The following OSMR variants were observed in gnomAD, a reference collection of about 807,000 sequenced individuals.
The protein encoded by OSMR is oncostatin M receptor.
A neutral mutation model predicts 99.9 loss-of-function variants in OSMR; 81 were observed. That is an observed-to-expected ratio of 0.81 (90% CI 0.68 to 0.97). The LOEUF is 0.97. OSMR is among the 50% of genes least tolerant of loss of function. OSMR has a pLI of 0.00. For missense variants in OSMR, 1,099 were observed against 1,153.4 expected, an observed-to-expected ratio of 0.95 and a Z score of 0.68; for synonymous variants, 406 against 410.4, an observed-to-expected ratio of 0.99 and a Z score of 0.13.
Position 38,925,328 on chromosome 5 carries a change from C to A in OSMR, c.2169C>A (p.Gly723=). Residue 723 remains glycine, a synonymous_variant, in exon 15 of 18, where the codon GGC becomes GGA. Transcript: ENST00000274276. ...FITPFTSAGE[G]PSATFTKVTT... is the part of the protein sequence containing the mutation. ...CTCCATTCACTAGTGCTGGTGAAGGCCCCAGTGCTACGTTCACGAAGGTCA... is the reference window on the plus strand; with the variant it reads ...CTCCATTCACTAGTGCTGGTGAAGGACCCAGTGCTACGTTCACGAAGGTCA... The A allele has an allele frequency of 1.9e-6, 3 of 1,614,018 alleles. No individual in the cohort carries two copies. In the African/African-American group the frequency reaches 4.0e-5, roughly 22 times the overall value.
chr5:38,945,179 G>A, downstream of OSMR: 1 of 808,670 alleles, frequency 1.2e-6, no homozygotes, highest in South Asian at 1.9e-5. Flanking sequence ...CTAATTGTAT[G>A]CAATATACCA....
downstream of OSMR, among the ~76,000 whole-genome samples, chr5:38,936,316 T>TAATA (rs535112237): frequency 7.2e-5 from 11 of 152,256 alleles, no homozygotes; most frequent in African/African-American, 2.2e-4. Flanking sequence ...CTACTTTTTC[T>TAATA]AATAGTCATA....
At chr5:38,882,643 G>A (rs941938321) in intron 4 of OSMR, among the ~76,000 whole-genome samples, 4 of 152,088 alleles carry the variant, frequency 2.6e-5, no homozygotes, top group Non-Finnish European at 5.9e-5. Context: ...TAGACGGCGG[G>A]GTGGGGGGAA....
At chr5:38,919,630 T>G in intron 11 of OSMR, 1 of 285,840 alleles carries the variant, frequency 3.5e-6, no homozygotes, top group Non-Finnish European at 6.8e-6. Flanking sequence ...TTAATTTCCT[T>G]CTTAGCCATA....
intron 1 of OSMR, among the ~76,000 whole-genome samples, chr5:38,849,840 T>G (rs1479832449): frequency 6.6e-6 from 1 of 152,224 alleles, no homozygotes. Flanking sequence ...AATTTCCTCC[T>G]CTGTGAATGG....
At chr5:38,886,885 G>A (rs1743814928) in intron 7 of OSMR, among the ~76,000 whole-genome samples, 1 of 152,132 alleles carries the variant, frequency 6.6e-6, no homozygotes, top group Non-Finnish European at 1.5e-5. Context: ...TGTAGAATAT[G>A]TTCAACTTAC....
chr5:38,902,734 T>G (rs1324805993), intron 7 of OSMR, among the ~76,000 whole-genome samples: 1 of 152,192 alleles, frequency 6.6e-6, no homozygotes. Context: ...CTTTGGATCT[T>G]GAGTCACGTT....
chr5:38,890,353 A>G (rs1012647822), intron 7 of OSMR, among the ~76,000 whole-genome samples: 6 of 152,238 alleles, frequency 3.9e-5, no homozygotes, highest in African/African-American at 1.4e-4. Context: ...TTTTTATGCC[A>G]GGCAGAAATA....
At chr5:38,899,829 G>A (rs1160212797) in intron 7 of OSMR, among the ~76,000 whole-genome samples, 1 of 152,190 alleles carries the variant, frequency 6.6e-6, no homozygotes, top group African/African-American at 2.4e-5. Context: ...TCCTCACGCA[G>A]AAGGAAAGGT....
At chr5:38,898,791 T>C (rs993423625) in intron 7 of OSMR, among the ~76,000 whole-genome samples, 27 of 152,070 alleles carry the variant, frequency 1.8e-4, no homozygotes, top group African/African-American at 4.6e-4. Context: ...TTTTAAAAAT[T>C]TGAGGTTGCC....
intron 1 of OSMR, chr5:38,942,783 C>T (rs1233593811): frequency 2.1e-6 from 3 of 1,415,808 alleles, no homozygotes; most frequent in African/African-American, 1.4e-5. Context: ...TCAATTCAAA[C>T]ACAGAATTAT....
At position 38,932,458 on chromosome 5, in the gene OSMR, T is replaced by C. The variant is rs780385046; in HGVS notation, c.2295-5T>C. ...ATTCAGTCTCATTTTCGCTTTTTTT[T>C]CTAGGATCAAGGAGACCTGTTATCC... On this transcript the variant is annotated splice_region_variant and splice_polypyrimidine_tract_variant and intron_variant, in intron 16 of 17. Coordinates refer to ENST00000274276, the MANE Select transcript of OSMR (RefSeq NM_003999.3). 6.2e-6 allele frequency: 10 copies of C among 1,612,240 alleles called. No homozygotes were observed. Among genetic ancestry groups the C allele is most frequent in the East Asian group, 4.5e-5 (2 of 44,860 alleles).
chr5:38,922,054 T>C (rs115538798), intron 12 of OSMR, among the ~76,000 whole-genome samples: 1 of 152,322 alleles, frequency 6.6e-6, no homozygotes, highest in African/African-American at 2.4e-5. Context: ...TAGTGCATAG[T>C]CTCGAATGGC....
chr5:38,881,467 A>G, intron 3 of OSMR, 126 bp from the exon 4 acceptor site: 1 of 1,579,340 alleles, frequency 6.3e-7, no homozygotes, highest in Non-Finnish European at 8.6e-7. Flanking sequence ...GCAGAAGTGG[A>G]ATTCACTGGC....
At chr5:38,866,436 C>G (rs1349360842) in intron 1 of OSMR, among the ~76,000 whole-genome samples, 1 of 152,116 alleles carries the variant, frequency 6.6e-6, no homozygotes, top group Non-Finnish European at 1.5e-5. Flanking sequence ...GTAATGGACT[C>G]TCAGGCTTTT....
intron 7 of OSMR, among the ~76,000 whole-genome samples, chr5:38,888,326 T>C (rs1206881096): frequency 7.1e-6 from 1 of 140,508 alleles, no homozygotes; most frequent in African/African-American, 2.7e-5. Context: ...AGGCACATGT[T>C]GGGGCAAGGA....
chr5:38,856,575 C>T (rs1280332873), intron 1 of OSMR, among the ~76,000 whole-genome samples: 1 of 152,114 alleles, frequency 6.6e-6, no homozygotes, highest in Non-Finnish European at 1.5e-5. Flanking sequence ...AGCTAACCTT[C>T]TAGGATTCAT....
At chr5:38,863,584 C>A (rs962578004) in intron 1 of OSMR, among the ~76,000 whole-genome samples, 1 of 152,084 alleles carries the variant, frequency 6.6e-6, no homozygotes, top group Non-Finnish European at 1.5e-5. Flanking sequence ...AAAATATGGT[C>A]TATTTTGGAG....
rs531187086 is a variant in OSMR, at chr5:38,945,099, G to A, written c.*240G>A. The A allele has an allele frequency of 3.6e-4, 530 of 1,467,760 alleles. 9 individuals carry two copies. In the South Asian group the frequency reaches 5.9e-3, roughly 16 times the overall value. The allele number at this position is 1,467,760 out of a possible 1,614,324, so 90.9% of individuals were successfully genotyped here. A position where few individuals can be genotyped will look rare whatever the true frequency, so the allele number is the denominator to read the frequency against. ...GAAAAAAATAATTATTTCAATTAAAGCACCATAACGGCTTAATTCCTGTGC... is the reference window on the plus strand; with the variant it reads ...GAAAAAAATAATTATTTCAATTAAAACACCATAACGGCTTAATTCCTGTGC... On this transcript the variant is annotated 3_prime_UTR_variant and NMD_transcript_variant, in exon 3 of 3. Coordinates refer to the OSMR transcript ENST00000508882.
Sources: gnomAD v4.1 joint callset for allele counts (sites outside exome capture counted in the v4.1 genomes callset) on GRCh38, gnomAD v4.1.1 for gene constraint, MANE v1.5 for transcripts, NCBI Gene and HGNC (gene_info 2026-07-23, HGNC 2026-07-21) for gene names.